NTAQ1: variants seen among roughly 807,000 people sequenced by gnomAD.
The protein encoded by NTAQ1 is protein N-terminal glutamine amidohydrolase.
Under a neutral mutation model 28.2 loss-of-function variants are expected in NTAQ1, and 21 were observed. That is an observed-to-expected ratio of 0.74 (90% CI 0.53 to 1.07). NTAQ1 has a LOEUF of 1.07. Ranked by LOEUF, NTAQ1 falls within the 50% of genes least tolerant of loss-of-function variation. The pLI, the probability that NTAQ1 is intolerant of heterozygous loss-of-function variation, is 0.00. For missense variants in NTAQ1, 264 were observed against 256.6 expected, an observed-to-expected ratio of 1.03 and a Z score of -0.20; for synonymous variants, 105 against 90.0, an observed-to-expected ratio of 1.17 and a Z score of -0.94.
At chr8:123,441,040 C>T (rs954254985) in intron 5 of NTAQ1, among the ~76,000 whole-genome samples, 2 of 151,870 alleles carry the variant, frequency 1.3e-5, no homozygotes, top group Non-Finnish European at 2.9e-5. Flanking sequence ...GCCAAAGACT[C>T]GGGGGTCCCC....
chr8:123,430,446 A>C (rs1324749946), intron 3 of NTAQ1, among the ~76,000 whole-genome samples: 1 of 152,208 alleles, frequency 6.6e-6, no homozygotes, highest in Admixed American at 6.5e-5. Flanking sequence ...GTTCAAGACC[A>C]GCTTGGCCAA....
At chr8:123,455,135 CAT>C (rs1267113596) in intron 6 of NTAQ1, 1 of 152,186 alleles carries the variant, frequency 6.6e-6, no homozygotes, top group Admixed American at 6.5e-5. Flanking sequence ...AGGGATGCCT[CAT>C]AATTAAGATG....
chr8:123,427,781 A>C, intron 1 of NTAQ1, 143 bp from the exon 2 acceptor site: 1 of 647,504 alleles, frequency 1.5e-6, no homozygotes, highest in South Asian at 2.0e-5. Context: ...GTTTTAGAGG[A>C]GATTCAGACA....
intron 1 of NTAQ1, among the ~76,000 whole-genome samples, chr8:123,422,802 C>G (rs1275865651): frequency 6.6e-6 from 1 of 151,960 alleles, no homozygotes; most frequent in East Asian, 1.9e-4. Flanking sequence ...TTTAATCCAT[C>G]TTGAGTTGAT....
intron 1 of NTAQ1, among the ~76,000 whole-genome samples, chr8:123,423,967 C>T (rs1375552621): frequency 6.6e-6 from 1 of 151,442 alleles, no homozygotes; most frequent in African/African-American, 2.4e-5. Flanking sequence ...ATTACAACCT[C>T]TGCCTCTCGG....
At chr8:123,457,605 C>T (rs80287046) in intron 6 of NTAQ1, among the ~76,000 whole-genome samples, 4,194 of 152,184 alleles carry the variant, frequency 0.028, 183 homozygotes, top group African/African-American at 0.094. Flanking sequence ...TATCCAGTAT[C>T]CAGTACCAAA....
At chr8:123,437,718 CAAAAAACAAAA>C (rs1814811758) in intron 5 of NTAQ1, among the ~76,000 whole-genome samples, 1 of 57,596 alleles carries the variant, frequency 1.7e-5, no homozygotes, top group Non-Finnish European at 3.6e-5. Context: ...AAAAAAAAAA[CAAAAAACAAAA>C]AACAAAAAAT....
intron 6 of NTAQ1, among the ~76,000 whole-genome samples, chr8:123,447,597 G>A (rs1253652357): frequency 3.3e-5 from 5 of 152,124 alleles, no homozygotes; most frequent in Admixed American, 3.3e-4. Flanking sequence ...TAGCCAGTAA[G>A]TAGTAGAGCC....
At chr8:123,455,882 C>G (rs1815635301) in intron 6 of NTAQ1, among the ~76,000 whole-genome samples, 1 of 152,118 alleles carries the variant, frequency 6.6e-6, no homozygotes, top group Admixed American at 6.5e-5. Flanking sequence ...ACTTTAGCAC[C>G]TTTCCAAAGT....
intron 3 of NTAQ1, among the ~76,000 whole-genome samples, chr8:123,432,905 C>G (rs536620604): frequency 6.6e-6 from 1 of 152,268 alleles, no homozygotes; most frequent in East Asian, 1.9e-4. Flanking sequence ...ATCTCGAACT[C>G]CTGACCTCAA....
chr8:123,425,916 T>G (rs1479806422), intron 1 of NTAQ1, among the ~76,000 whole-genome samples: 1 of 152,068 alleles, frequency 6.6e-6, no homozygotes, highest in African/African-American at 2.4e-5. Context: ...CCCAGCTACT[T>G]GGGAGGCTGA....
At chr8:123,462,076 C>T (rs1388103124) in intron 6 of NTAQ1, among the ~76,000 whole-genome samples, 5 of 152,042 alleles carry the variant, frequency 3.3e-5, no homozygotes, top group African/African-American at 9.7e-5. Context: ...AAGACAGTCT[C>T]GCTGTGTCAC....
Position 123,469,799 on chromosome 8 carries a change from A to G in NTAQ1, c.*2649A>G, listed in dbSNP as rs547020403. Among the ~76,000 whole-genome samples the G allele has an allele frequency of 3.3e-5, 5 of 152,330 alleles. No individual in the cohort carries two copies. In the South Asian group the frequency reaches 8.3e-4, roughly 25 times the overall value. On this transcript the variant is annotated 3_prime_UTR_variant, in exon 7 of 7. Transcript: ENST00000650311. The stretch of plus-strand genomic sequence containing the variant: ...ACTAGCCAAGGCAATATAGGTGTGT[A>G]TAAGAGGCAAGTCTCTGCTGTCTGT...
At chr8:123,418,908 A>G (rs906935445) in intron 1 of NTAQ1, among the ~76,000 whole-genome samples, 1 of 152,086 alleles carries the variant, frequency 6.6e-6, no homozygotes, top group Non-Finnish European at 1.5e-5. Flanking sequence ...TACCCACTAG[A>G]TACTGTTAGC....
chr8:123,468,817 A>C (rs959142706), exon 7 of NTAQ1, among the ~76,000 whole-genome samples: 1 of 152,174 alleles, frequency 6.6e-6, no homozygotes, highest in African/African-American at 2.4e-5. Flanking sequence ...ACCATTTTAC[A>C]TTCCACAAAC....
chr8:123,424,017 G>T (rs1205752977), intron 1 of NTAQ1, among the ~76,000 whole-genome samples: 1 of 150,280 alleles, frequency 6.7e-6, no homozygotes, highest in Non-Finnish European at 1.5e-5. Context: ...TGAGTAACTG[G>T]GATTATAGGT....
downstream of NTAQ1, among the ~76,000 whole-genome samples, chr8:123,446,843 C>G (rs1160963110): frequency 5.3e-5 from 8 of 152,166 alleles, no homozygotes. Context: ...GCTGGACATC[C>G]TAAGTGATTG....
downstream of NTAQ1, among the ~76,000 whole-genome samples, chr8:123,471,655 C>T (rs1816043199): frequency 6.6e-6 from 1 of 152,112 alleles, no homozygotes; most frequent in African/African-American, 2.4e-5. Flanking sequence ...AGTACAAAGA[C>T]AGGAAAAAAT....
intron 1 of NTAQ1, among the ~76,000 whole-genome samples, chr8:123,423,296 T>C (rs74206690): frequency 2.4e-5 from 1 of 40,920 alleles, no homozygotes; most frequent in African/African-American, 7.1e-5. Flanking sequence ...CCTTCTCTTC[T>C]TTTGTTTTCT....
Sources: gnomAD v4.1 joint callset for allele counts (sites outside exome capture counted in the v4.1 genomes callset) on GRCh38, gnomAD v4.1.1 for gene constraint, MANE v1.5 for transcripts, NCBI Gene and HGNC (gene_info 2026-07-23, HGNC 2026-07-21) for gene names.